Variants in ST3GAL1 observed in about 807,000 individuals in gnomAD.
ST3GAL1 encodes the protein ST3 beta-galactoside alpha-2,3-sialyltransferase 1.
A neutral mutation model predicts 34.1 loss-of-function variants in ST3GAL1; 16 were observed. The ratio of observed to expected loss-of-function variants is 0.47; its 90% CI spans 0.32 to 0.71. The LOEUF is 0.71. Ranked by LOEUF, ST3GAL1 falls within the 30% of genes least tolerant of loss-of-function variation. The pLI, the probability that ST3GAL1 is intolerant of heterozygous loss-of-function variation, is 0.04. For missense variants in ST3GAL1, 353 were observed against 447.4 expected (o/e 0.79, Z 1.90); for synonymous variants, 191 against 184.7 (o/e 1.03, Z -0.28).
At position 133,532,034 on chromosome 8, in the gene ST3GAL1, C is replaced by T. The variant is rs184155502; in HGVS notation, c.-429+13740G>A. Among the ~76,000 whole-genome samples the T allele has an allele frequency of 2.5e-3, 373 of 152,188 alleles. 1 individual carries two copies. The highest frequency in any genetic ancestry group is 4.5e-3 in the Non-Finnish European group (303 of 68,000). On this transcript the variant is annotated intron_variant, in intron 2 of 9. Coordinates refer to ENST00000522652, the MANE Select transcript of ST3GAL1 (RefSeq NM_173344.3). ...CAGAGACAAATGACATCTGATTTCA[C>T]GAAAGACTGAATACAGAGGCAGAGA...
intron 2 of ST3GAL1, among the ~76,000 whole-genome samples, chr8:133,539,454 C>G (rs1818403876): frequency 2.6e-5 from 4 of 152,200 alleles, no homozygotes; most frequent in African/African-American, 7.2e-5. Context: ...CCCCACTTAT[C>G]TAGGGCTTGC....
intron 2 of ST3GAL1, among the ~76,000 whole-genome samples, chr8:133,515,975 C>T (rs1357691466): frequency 6.6e-6 from 1 of 152,142 alleles, no homozygotes; most frequent in African/African-American, 2.4e-5. Flanking sequence ...TTGCCTCAGC[C>T]TCCCAGGTAG....
chr8:133,503,445 T>A (rs1297657000), intron 2 of ST3GAL1, among the ~76,000 whole-genome samples: 1 of 152,082 alleles, frequency 6.6e-6, no homozygotes, highest in Non-Finnish European at 1.5e-5. Flanking sequence ...ACAATTAGGA[T>A]CCACTGTCTG....
At chr8:133,503,853 C>T (rs748773464) in intron 2 of ST3GAL1, among the ~76,000 whole-genome samples, 5 of 152,146 alleles carry the variant, frequency 3.3e-5, no homozygotes, top group East Asian at 3.8e-4. Context: ...ATTATGTTTA[C>T]GATGAGGTGA....
Position 133,457,030 on chromosome 8 carries a change from G to A in ST3GAL1, c.*2734C>T, listed in dbSNP as rs1815325363. ...ACAGCAGCAGCCTTTTAGGAAATGT[G>A]CTCTACAGGAAAAGTGGTTTTTCTG... On this transcript the variant is annotated 3_prime_UTR_variant, in exon 10 of 10. Coordinates refer to ENST00000522652, the MANE Select transcript of ST3GAL1 (RefSeq NM_173344.3). 1 of 152,326 alleles carries A rather than the reference G, an allele frequency of 6.6e-6. No individual in the cohort carries two copies. The highest frequency in any genetic ancestry group is 1.5e-5 in the Non-Finnish European group (1 of 68,108). 9.4% of individuals were successfully genotyped at this position (152,326 alleles called of 1,614,324 possible). A position where few individuals can be genotyped will look rare whatever the true frequency, so the allele number is the denominator to read the frequency against.
At chr8:133,567,709 C>T (rs867489156) in intron 1 of ST3GAL1, among the ~76,000 whole-genome samples, 19 of 152,096 alleles carry the variant, frequency 1.2e-4, no homozygotes, top group African/African-American at 4.1e-4. Flanking sequence ...GTGTGGGCTC[C>T]GAATGGTCCT....
chr8:133,510,202 T>C (rs897854313), intron 2 of ST3GAL1, among the ~76,000 whole-genome samples: 2 of 152,192 alleles, frequency 1.3e-5, no homozygotes, highest in African/African-American at 4.8e-5. Flanking sequence ...AAAAAATAGA[T>C]TTCAACAACT....
At chr8:133,541,094 A>AT (rs1818505431) in intron 2 of ST3GAL1, among the ~76,000 whole-genome samples, 3 of 54,560 alleles carry the variant, frequency 5.5e-5, no homozygotes, top group African/African-American at 1.0e-4. Flanking sequence ...TATATATATA[A>AT]ACATATATAT....
At position 133,459,620 on chromosome 8, in the gene ST3GAL1, G is replaced by T; in HGVS notation, c.*144C>A. 1 of 1,040,814 alleles carries T rather than the reference G, an allele frequency of 9.6e-7. No homozygotes were observed. The highest frequency in any genetic ancestry group is 1.3e-6 in the Non-Finnish European group (1 of 744,236). 64.5% of individuals were successfully genotyped at this position (1,040,814 alleles called of 1,614,324 possible). ...CCTTGCTGAGTAGATGCTGCCAACGGCTGGGTGCAAGAGGCTGTGAGCGGT... is the reference window on the plus strand; with the variant it reads ...CCTTGCTGAGTAGATGCTGCCAACGTCTGGGTGCAAGAGGCTGTGAGCGGT... On this transcript the variant is annotated 3_prime_UTR_variant, in exon 10 of 10. Coordinates refer to ENST00000522652, the MANE Select transcript of ST3GAL1 (RefSeq NM_173344.3). This position sits in a 1 kb window ranked among gnomAD's most constrained non-coding sequence, Gnocchi z 4.7.
In ST3GAL1 at chr8:133,463,452, T is replaced by G. The variant is rs1465703523; in HGVS notation, c.691A>C (p.Ile231Leu). The G allele has an allele frequency of 4.3e-6, 7 of 1,613,772 alleles. No homozygotes were observed. Among genetic ancestry groups the G allele is most frequent in the Non-Finnish European group, 5.1e-6 (6 of 1,179,962 alleles). Residue 231 changes from isoleucine (I) to leucine (L), a missense_variant, in exon 8 of 10, where the codon ATC becomes CTC. Physicochemically the swap from Ile to Leu is conservative, Grantham distance 5. Transcript: ENST00000522652. ...ITTGTISHTY[I>L]PVPAKIRVKQ... ...ACTCTGATCTTTGCAGGAACCGGGA[T>G]GTAGGTGCTGCAGTTGGAGAAAGAG...
At chr8:133,494,732 T>C (rs1296856284) in intron 3 of ST3GAL1, among the ~76,000 whole-genome samples, 1 of 151,920 alleles carries the variant, frequency 6.6e-6, no homozygotes, top group Non-Finnish European at 1.5e-5. Context: ...CTCCATGCTG[T>C]CCCTCAAGCA....
At chr8:133,498,361 G>A (rs540145383) in intron 3 of ST3GAL1, among the ~76,000 whole-genome samples, 1 of 152,320 alleles carries the variant, frequency 6.6e-6, no homozygotes, top group South Asian at 2.1e-4. Flanking sequence ...AGGTGGGGGT[G>A]TGGTTGTTTC....
intron 2 of ST3GAL1, among the ~76,000 whole-genome samples, chr8:133,532,469 A>AT (rs1483678771): frequency 3.9e-5 from 6 of 152,182 alleles, no homozygotes; most frequent in African/African-American, 1.4e-4. Flanking sequence ...CAAAAAAAAA[A>AT]GTCATTTATG....
At chr8:133,525,247 G>A (rs886752287) in intron 2 of ST3GAL1, among the ~76,000 whole-genome samples, 1 of 152,230 alleles carries the variant, frequency 6.6e-6, no homozygotes, top group East Asian at 1.9e-4. Flanking sequence ...GACACATAGT[G>A]GGTAGCTCCT....
chr8:133,483,109 G>A (rs6415553), intron 3 of ST3GAL1, among the ~76,000 whole-genome samples: 122,573 of 152,148 alleles, frequency 0.81, 49,912 homozygotes, highest in Non-Finnish European at 0.84. Context: ...TGGGAGGCTG[G>A]GGTGGGCGGA....
chr8:133,569,291 C>T (rs1420825993), intron 1 of ST3GAL1, among the ~76,000 whole-genome samples: 3 of 152,108 alleles, frequency 2.0e-5, no homozygotes, highest in Non-Finnish European at 2.9e-5. Flanking sequence ...GAGAAGGAGC[C>T]CTCTATTCAT....
intron 8 of ST3GAL1, 36 bp from the exon 9 acceptor site, chr8:133,462,030 C>G: frequency 6.2e-7 from 1 of 1,613,188 alleles, no homozygotes. Context: ...TTAGTGAGTT[C>G]TGGGGGGCAA....
At chr8:133,498,532 C>T (rs1817041890) in intron 3 of ST3GAL1, among the ~76,000 whole-genome samples, 1 of 152,072 alleles carries the variant, frequency 6.6e-6, no homozygotes, top group Non-Finnish European at 1.5e-5. Context: ...CTGAGCTCTG[C>T]TTGTCCCTGA....
At chr8:133,505,880 C>T (rs1043176511) in intron 2 of ST3GAL1, among the ~76,000 whole-genome samples, 2 of 152,102 alleles carry the variant, frequency 1.3e-5, no homozygotes, top group Non-Finnish European at 2.9e-5. Context: ...GAATTACAGG[C>T]GTGAGCCACT....
Sources: allele counts gnomAD v4.1 joint callset (sites outside exome capture counted in the v4.1 genomes callset), GRCh38; gene constraint gnomAD v4.1.1; non-coding constraint Gnocchi (gnomAD v3.1); transcripts MANE v1.5; gene names NCBI Gene and HGNC (gene_info 2026-07-23, HGNC 2026-07-21).